The following HUNK variants were observed in gnomAD, a reference collection of about 807,000 sequenced individuals.
The protein encoded by HUNK is hormonally up-regulated Neu-associated kinase, also known as hormonally up-regulated neu tumor-associated kinase.
In HUNK, 21 loss-of-function variants were observed where a neutral mutation model predicts 61.0. That is an observed-to-expected ratio of 0.34 (90% CI 0.24 to 0.50). The LOEUF (loss-of-function observed/expected upper bound fraction) is 0.50. Ranked by LOEUF, HUNK falls within the 20% of genes least tolerant of loss-of-function variation. The probability of loss-of-function intolerance (pLI) is 0.98; values close to 1 mark genes in which losing one functional copy is unlikely to be tolerated. For synonymous variants in HUNK, 371 were observed against 386.1 expected (o/e 0.96, Z 0.46); for missense variants, 772 against 945.7 (o/e 0.82, Z 2.41).
At chr21:31,914,108 C>T (rs2052565110) in intron 1 of HUNK, among the ~76,000 whole-genome samples, 1 of 152,080 alleles carries the variant, frequency 6.6e-6, no homozygotes, top group South Asian at 2.1e-4. Flanking sequence ...GGAAGAGGAA[C>T]TGTAAGACCT....
chr21:31,994,347 C>T (rs1238076133), intron 9 of HUNK, among the ~76,000 whole-genome samples: 1 of 152,196 alleles, frequency 6.6e-6, no homozygotes, highest in African/African-American at 2.4e-5. Flanking sequence ...TGTCGTCTTT[C>T]CCACTCAAAA....
intron 1 of HUNK, among the ~76,000 whole-genome samples, chr21:31,913,599 CG>C (rs773724727): frequency 6.6e-6 from 1 of 151,652 alleles, no homozygotes; most frequent in Non-Finnish European, 1.5e-5. Flanking sequence ...GTGACAGGCT[CG>C]GAGGCCCACA....
At chr21:31,938,539 A>G (rs1486576216) in intron 2 of HUNK, among the ~76,000 whole-genome samples, 6 of 152,330 alleles carry the variant, frequency 3.9e-5, no homozygotes, top group Non-Finnish European at 7.3e-5. Flanking sequence ...AGTCCTAGCT[A>G]TCGCTCCTTT....
intron 1 of HUNK, among the ~76,000 whole-genome samples, chr21:31,878,265 A>C (rs1442565376): frequency 6.6e-6 from 1 of 151,778 alleles, no homozygotes; most frequent in East Asian, 1.9e-4. Context: ...TCTCAAAAAA[A>C]AAAAAAAAAA....
intron 8 of HUNK, among the ~76,000 whole-genome samples, chr21:31,988,117 C>G (rs1277066037): frequency 6.6e-6 from 1 of 152,216 alleles, no homozygotes; most frequent in African/African-American, 2.4e-5. Flanking sequence ...TTACCATTTT[C>G]TCTACCTCTT....
chr21:31,996,558 A>T (rs2053207313), intron 10 of HUNK, among the ~76,000 whole-genome samples: 1 of 152,194 alleles, frequency 6.6e-6, no homozygotes, highest in Non-Finnish European at 1.5e-5. Flanking sequence ...GTGCTAAAAG[A>T]TGCAAAAGGC....
At chr21:31,882,181 C>T (rs1174151440) in intron 1 of HUNK, among the ~76,000 whole-genome samples, 1 of 152,138 alleles carries the variant, frequency 6.6e-6, no homozygotes, top group East Asian at 1.9e-4. Flanking sequence ...AAAAAAACTA[C>T]TCAGGGTAGA....
chr21:31,943,712 G>A (rs1274635261), intron 3 of HUNK, among the ~76,000 whole-genome samples: 1 of 152,196 alleles, frequency 6.6e-6, no homozygotes. Context: ...CTGGGATGGT[G>A]GAGGGTGATC....
At position 31,921,873 on chromosome 21, in the gene HUNK, C is replaced by T. The variant is rs185398617; in HGVS notation, c.262-2595C>T. Among the ~76,000 whole-genome samples the T allele has an allele frequency of 2.6e-4, 39 of 152,040 alleles. No homozygotes were observed. The East Asian group carries it at 6.9e-3, about 27-fold the overall frequency. On this transcript the variant is annotated intron_variant, in intron 1 of 10. Coordinates refer to ENST00000270112, the MANE Select transcript of HUNK (RefSeq NM_014586.2). ...TATTGAGGTTTAACTGACAGATAAC[C>T]GCGTGTGCTTATAGTATGCAGGTTA...
At chr21:31,981,015 A>G (rs1431047218) in intron 7 of HUNK, among the ~76,000 whole-genome samples, 1 of 152,214 alleles carries the variant, frequency 6.6e-6, no homozygotes, top group Non-Finnish European at 1.5e-5. Context: ...CTAAGTCTTT[A>G]ACTCATTTTG....
At position 31,963,349 on chromosome 21, in the gene HUNK, G is replaced by T. The variant is rs578040997; in HGVS notation, c.874+4379G>T. On this transcript the variant is annotated intron_variant, in intron 5 of 10. Coordinates refer to ENST00000270112, the MANE Select transcript of HUNK (RefSeq NM_014586.2). ...TCTCTGATTTTATTTAGTATAAGACGCACCCCCCCTACAAAAAGTTGGAGG... is the reference window on the plus strand; with the variant it reads ...TCTCTGATTTTATTTAGTATAAGACTCACCCCCCCTACAAAAAGTTGGAGG... 2.0e-5 allele frequency among the ~76,000 whole-genome samples: 3 copies of T among 152,122 alleles called. No homozygotes were observed. In the South Asian group the frequency reaches 6.2e-4, roughly 32 times the overall value.
intron 8 of HUNK, among the ~76,000 whole-genome samples, chr21:31,986,301 C>A (rs2053132519): frequency 6.6e-6 from 1 of 152,046 alleles, no homozygotes; most frequent in Non-Finnish European, 1.5e-5. Flanking sequence ...CCCTTACCCC[C>A]AGAGCCAACC....
intron 4 of HUNK, among the ~76,000 whole-genome samples, chr21:31,948,862 A>G (rs1171411604): frequency 6.6e-6 from 1 of 152,104 alleles, no homozygotes; most frequent in Non-Finnish European, 1.5e-5. Flanking sequence ...CCAGAATGAG[A>G]TGTGGAGAGA....
chr21:31,946,447 C>A (rs1757786081), intron 4 of HUNK, among the ~76,000 whole-genome samples: 1 of 152,138 alleles, frequency 6.6e-6, no homozygotes, highest in African/African-American at 2.4e-5. Context: ...CTCTGCGACT[C>A]ATTTATGCCC....
At chr21:31,932,278 C>A (rs1158893798) in intron 2 of HUNK, among the ~76,000 whole-genome samples, 6 of 152,298 alleles carry the variant, frequency 3.9e-5, no homozygotes, top group Middle Eastern at 3.4e-3. Flanking sequence ...TTTCTGCCCC[C>A]AGGGGTGGGG....
chr21:31,968,860 G>A (rs2052989803), intron 6 of HUNK, among the ~76,000 whole-genome samples: 1 of 151,152 alleles, frequency 6.6e-6, no homozygotes, highest in South Asian at 2.1e-4. Context: ...GTGTGTGTGT[G>A]TGTGTGTGTG....
intron 1 of HUNK, among the ~76,000 whole-genome samples, chr21:31,906,619 G>A (rs998697123): frequency 6.6e-6 from 1 of 151,970 alleles, no homozygotes; most frequent in African/African-American, 2.4e-5. Flanking sequence ...TTGTAGAGAT[G>A]GAGCTTCACC....
At chr21:31,928,480 C>T (rs2052675952) in intron 2 of HUNK, among the ~76,000 whole-genome samples, 1 of 152,174 alleles carries the variant, frequency 6.6e-6, no homozygotes, top group Non-Finnish European at 1.5e-5. Context: ...TTTTCTTTCT[C>T]TGATCTCCAG....
intron 1 of HUNK, among the ~76,000 whole-genome samples, chr21:31,890,791 T>G (rs1269417038): frequency 1.3e-5 from 2 of 152,168 alleles, no homozygotes; most frequent in African/African-American, 2.4e-5. Context: ...GATATGAAAG[T>G]GACTTTTTAA....
Sources: gnomAD v4.1 joint callset for allele counts (sites outside exome capture counted in the v4.1 genomes callset) on GRCh38, gnomAD v4.1.1 for gene constraint, MANE v1.5 for transcripts, NCBI Gene and HGNC (gene_info 2026-07-23, HGNC 2026-07-21) for gene names.